Variants in AIFM1 observed in about 807,000 individuals in gnomAD.
AIFM1 encodes apoptosis-inducing factor 1, mitochondrial.
Under a neutral mutation model 51.7 loss-of-function variants are expected in AIFM1, and 3 were observed. That is an observed-to-expected ratio of 0.06 (90% confidence interval 0.03 to 0.15). The LOEUF is 0.15. Ranked by LOEUF, AIFM1 falls within the 10% of genes least tolerant of loss-of-function variation. AIFM1 has a pLI of 1.00. For synonymous variants in AIFM1, 178 were observed against 179.4 expected, an observed-to-expected ratio of 0.99 and a Z score of 0.06; for missense variants, 330 against 476.8, an observed-to-expected ratio of 0.69 and a Z score of 2.87.
intron 1 of AIFM1, among the ~76,000 whole-genome samples, chrX:130,164,167 CAA>C (rs141655412): frequency 0.45 from 33,684 of 74,617 alleles, 6,058 homozygotes; most frequent in African/African-American, 0.71. Flanking sequence ...GACTCCGTCT[CAA>C]AAAAAAAAAA....
intron 2 of AIFM1, among the ~76,000 whole-genome samples, chrX:130,155,577 A>G (rs1376693886): frequency 8.9e-6 from 1 of 112,293 alleles, no homozygotes; most frequent in Non-Finnish European, 1.9e-5. Flanking sequence ...GGTAGCTTCA[A>G]ATAATTTTCA....
chrX:130,155,349 G>T, intron 2 of AIFM1: 2 of 1,162,495 alleles, frequency 1.7e-6, no homozygotes, highest in Non-Finnish European at 1.2e-6. Flanking sequence ...TATTAATGAA[G>T]AAACATTCAA....
intron 1 of AIFM1, among the ~76,000 whole-genome samples, chrX:130,158,125 G>A (rs1438545043): frequency 1.8e-5 from 2 of 108,387 alleles, no homozygotes; most frequent in African/African-American, 3.4e-5. Context: ...TTAGCCGGGC[G>A]TGGTGGCTTA....
chrX:130,133,190 G>T, intron 13 of AIFM1, 123 bp downstream of exon 13: 1 of 913,447 alleles, frequency 1.1e-6, no homozygotes, highest in South Asian at 2.0e-5. Flanking sequence ...GACATAAGAT[G>T]GACTTTTTTC....
At chrX:130,156,311 A>G in intron 2 of AIFM1, 150 bp downstream of exon 2, 1 of 634,714 alleles carries the variant, frequency 1.6e-6, no homozygotes, top group South Asian at 2.5e-5. Flanking sequence ...ATAAGATATT[A>G]GGCAGCAGGC....
At chrX:130,136,316 T>C in intron 11 of AIFM1, 131 bp from the exon 12 acceptor site, 1 of 804,156 alleles carries the variant, frequency 1.2e-6, no homozygotes, top group East Asian at 3.4e-5. Context: ...CTCTGATAAA[T>C]GGATTTTAAG....
At chrX:130,132,292 C>T (rs2030122051) in intron 13 of AIFM1, among the ~76,000 whole-genome samples, 1 of 112,325 alleles carries the variant, frequency 8.9e-6, no homozygotes, top group African/African-American at 3.2e-5. Flanking sequence ...ACCCTAATAG[C>T]TTTGACTTTT....
chrX:130,139,385 T>G (rs903787056), intron 8 of AIFM1, among the ~76,000 whole-genome samples: 1 of 111,139 alleles, frequency 9.0e-6, no homozygotes, highest in Non-Finnish European at 1.9e-5. Flanking sequence ...ACAGCAGTTT[T>G]TATAAGCACA....
Position 130,165,673 on chromosome X carries a change from C to T in AIFM1, c.-17G>A, listed in dbSNP as rs1461621867. The stretch of plus-strand genomic sequence containing the variant: ...CCGGAACATTTCGGCGACCGCTATT[C>T]GGGACCTCCTCCTTCCCTTTCCTCT... On this transcript the variant is annotated 5_prime_UTR_variant, in exon 1 of 16. Coordinates refer to ENST00000287295, the MANE Select transcript of AIFM1 (RefSeq NM_004208.4). The T allele has an allele frequency of 2.6e-6, 3 of 1,160,989 alleles. No individual in the cohort carries two copies. The highest frequency in any genetic ancestry group is 3.8e-5 in the South Asian group (2 of 53,089).
rs2029994748 is a variant in AIFM1 at position 130,130,006 on chromosome X, T to C, written c.1734A>G (p.Leu578=). Residue 578 remains leucine, a synonymous_variant, in exon 15 of 16, where the codon CTA becomes CTG. Transcript: ENST00000287295. The part of the protein sequence containing the change: ...LRDKVVVGIV[L]WNIFNRMPIA... ...TTGGCATTCGGTTAAAGATGTTCCA[T>C]AGCACAATCCCCACGACCACTTTGT... 4.1e-6 allele frequency: 5 copies of C among 1,211,843 alleles called. No homozygotes were observed. Among genetic ancestry groups the C allele is most frequent in the Admixed American group, 2.2e-5 (1 of 45,998 alleles).
chrX:130,148,069 A>G (rs930613850), intron 3 of AIFM1, 193 bp from the exon 4 acceptor site: 27 of 513,898 alleles, frequency 5.3e-5, no homozygotes, highest in Non-Finnish European at 8.8e-5. Flanking sequence ...CTTTCATTTC[A>G]TAAGTGAAAA....
At chrX:130,145,419 C>T (rs930371067) in intron 6 of AIFM1, 60 bp downstream of exon 6, 2 of 877,593 alleles carry the variant, frequency 2.3e-6, no homozygotes, top group Non-Finnish European at 3.4e-6. Flanking sequence ...ACACACATCA[C>T]CATACTGGCT....
chrX:130,165,799 A>G lies in AIFM1; in HGVS notation c.-143T>C. On this transcript the variant is annotated 5_prime_UTR_variant, in exon 1 of 16. It removes an upstream start codon present in the reference 5' UTR. Transcript: ENST00000287295. ...CTCCTCCTCCCAGCTCCGGGTGGGC[A>G]TTGGACAGAGAAGCCGGCCTGCTAG... is the stretch of plus-strand genomic sequence containing the variant. 7.1e-6 allele frequency: 4 copies of G among 563,923 alleles called. No homozygotes were observed. The highest frequency in any genetic ancestry group is 1.2e-5 in the Non-Finnish European group (4 of 325,583). 46.5% of individuals were successfully genotyped at this position (563,923 alleles called of 1,213,427 possible). A position where few individuals can be genotyped will look rare whatever the true frequency, so the allele number is the denominator to read the frequency against.
intron 13 of AIFM1, among the ~76,000 whole-genome samples, chrX:130,132,345 T>C (rs1603220179): frequency 8.9e-6 from 1 of 112,414 alleles, no homozygotes; most frequent in Non-Finnish European, 1.9e-5. Flanking sequence ...CATGCGGTGA[T>C]TGAAACGTTC....
intron 3 of AIFM1, among the ~76,000 whole-genome samples, chrX:130,149,165 G>A (rs958886061): frequency 9.0e-6 from 1 of 110,827 alleles, no homozygotes. Flanking sequence ...CAGCTGACCC[G>A]CACATCTCGG....
chrX:130,133,262 T>C, intron 13 of AIFM1, 51 bp downstream of exon 13: 1 of 1,200,435 alleles, frequency 8.3e-7, no homozygotes. Context: ...GTTATGGTCC[T>C]AGAGATACTG....
chrX:130,142,299 A>T (rs895800410), intron 6 of AIFM1, among the ~76,000 whole-genome samples: 2 of 111,673 alleles, frequency 1.8e-5, no homozygotes, highest in African/African-American at 6.5e-5. Flanking sequence ...TCTGATGGAT[A>T]AGCAGCTTCT....
intron 6 of AIFM1, 99 bp downstream of exon 6, chrX:130,145,380 T>C: frequency 4.5e-6 from 3 of 663,279 alleles, no homozygotes; most frequent in Admixed American, 2.3e-5. Context: ...TGAACTACAA[T>C]GGCAGGACAG....
intron 4 of AIFM1, 44 bp downstream of exon 4, chrX:130,147,708 G>A (rs1324538209): frequency 1.7e-6 from 2 of 1,211,735 alleles, no homozygotes; most frequent in South Asian, 1.8e-5. Flanking sequence ...CTAAATGCTT[G>A]CAGACTGTAC....
Sources: gnomAD v4.1 joint callset for allele counts (sites outside exome capture counted in the v4.1 genomes callset) on GRCh38, gnomAD v4.1.1 for gene constraint, MANE v1.5 for transcripts, NCBI Gene and HGNC (gene_info 2026-07-23, HGNC 2026-07-21) for gene names.